ENOSF1: variants seen among roughly 807,000 people sequenced by gnomAD.
ENOSF1 encodes the protein enolase superfamily member 1.
A neutral mutation model predicts 68.2 loss-of-function variants in ENOSF1; 73 were observed. The observed-to-expected ratio is 1.07, with a 90% CI of 0.89 to 1.30. The LOEUF (loss-of-function observed/expected upper bound fraction) is 1.30. ENOSF1 is among the 50% of genes most tolerant of loss of function. The pLI is 0.00. For missense variants in ENOSF1, 589 were observed against 554.5 expected, an observed-to-expected ratio of 1.06 and a Z score of -0.62; for synonymous variants, 223 against 210.4, an observed-to-expected ratio of 1.06 and a Z score of -0.52.
At chr18:675,530 A>G in intron 14 of ENOSF1, 128 bp from the exon 15 acceptor site, 1 of 797,878 alleles carries the variant, frequency 1.3e-6, no homozygotes, top group African/African-American at 1.7e-5. Flanking sequence ...CTGTGTTACC[A>G]TGCGTTTCTA....
intron 15 of ENOSF1, 21 bp downstream of exon 15, chr18:675,300 G>T (rs202079998): frequency 1.3e-6 from 2 of 1,595,274 alleles, no homozygotes; most frequent in East Asian, 4.5e-5. Flanking sequence ...CTTCTACAGG[G>T]GCCCTCAGGC....
chr18:669,366 ATTTTTTTTTTT>A (rs68090938), downstream of ENOSF1: 44 of 192,196 alleles, frequency 2.3e-4, no homozygotes, highest in East Asian at 2.2e-3. Flanking sequence ...GGCCCAGAGG[ATTTTTTTTTTT>A]TTTTTTTTTT....
intron 2 of ENOSF1, among the ~76,000 whole-genome samples, chr18:704,610 TTC>T (rs1383098075): frequency 4.7e-5 from 7 of 147,514 alleles, no homozygotes; most frequent in African/African-American, 1.0e-4. Flanking sequence ...TGTATCTTTT[TTC>T]TTTTTTTTTT....
chr18:696,528 T>G (rs1158757860), intron 3 of ENOSF1, among the ~76,000 whole-genome samples: 4 of 152,036 alleles, frequency 2.6e-5, no homozygotes, highest in Non-Finnish European at 4.4e-5. Flanking sequence ...CTCTTACATC[T>G]CTAACACTAC....
At chr18:697,800 T>C (rs1045842400) in intron 2 of ENOSF1, among the ~76,000 whole-genome samples, 1 of 152,156 alleles carries the variant, frequency 6.6e-6, no homozygotes, top group Non-Finnish European at 1.5e-5. Flanking sequence ...TCTTTTCTTT[T>C]CTTTTCTTTT....
At chr18:686,992 A>G (rs2076668781) in intron 9 of ENOSF1, 1 of 152,188 alleles carries the variant, frequency 6.6e-6, no homozygotes, top group African/African-American at 2.4e-5. Context: ...ATCTCCCCAC[A>G]GCCTTCTCTG....
chr18:691,480 G>T, intron 5 of ENOSF1: 2 of 541,544 alleles, frequency 3.7e-6, no homozygotes, highest in South Asian at 2.4e-5. Flanking sequence ...TGAGTAGCTG[G>T]GACTCCAGGT....
chr18:691,296 G>A lies in ENOSF1; in HGVS notation c.424-20C>T. 2 of 1,596,922 alleles carry A rather than the reference G, an allele frequency of 1.3e-6. No individual in the cohort carries two copies. The highest frequency in any genetic ancestry group is 1.7e-6 in the Non-Finnish European group (2 of 1,166,806). On this transcript the variant is annotated intron_variant, in intron 5 of 15. Coordinates refer to ENST00000647584, the MANE Select transcript of ENOSF1 (RefSeq NM_017512.7). ...GGGATCCTGGCAACGTGACAGGAGG[G>A]GAAGAGGCCTGAATCAATTATAAGG...
chr18:690,879 G>T, intron 7 of ENOSF1, 189 bp downstream of exon 7: 1 of 1,292,514 alleles, frequency 7.7e-7, no homozygotes, highest in Non-Finnish European at 1.1e-6. Context: ...TTCAGCAGTG[G>T]CTGAAGCAAA....
intron 10 of ENOSF1, among the ~76,000 whole-genome samples, chr18:684,016 C>CA (rs2076373814): frequency 6.7e-6 from 1 of 149,284 alleles, no homozygotes; most frequent in Admixed American, 6.7e-5. Flanking sequence ...TTTTTTGAGA[C>CA]AGAGTCTCGC....
chr18:697,190 G>T lies in ENOSF1; in HGVS notation c.309+50C>A. 2 of 1,234,500 alleles carry T rather than the reference G, an allele frequency of 1.6e-6. No homozygotes were observed. The highest frequency in any genetic ancestry group is 2.4e-6 in the Non-Finnish European group (2 of 833,684). The allele number at this position is 1,234,500 out of a possible 1,614,324, so 76.5% of individuals were successfully genotyped here. On this transcript the variant is annotated intron_variant, in intron 3 of 15. Transcript: ENST00000647584. ...TTCGTTGCACTCAAAGGACATCTCA[G>T]ACCTTGGTAATATTACTTATGTAAG...
Position 691,196 on chromosome 18 carries a change from A to C in ENOSF1, c.496+8T>G. ...ACGTCGTGTATCCCAGAAAGCTTCCAAACTCACCTAGGGCATCCTCCTCAG... is the reference window on the plus strand; with the variant it reads ...ACGTCGTGTATCCCAGAAAGCTTCCCAACTCACCTAGGGCATCCTCCTCAG... On this transcript the variant is annotated splice_region_variant and intron_variant, in intron 6 of 15. Coordinates refer to ENST00000647584, the MANE Select transcript of ENOSF1 (RefSeq NM_017512.7). 3.1e-6 allele frequency: 5 copies of C among 1,614,114 alleles called. No homozygotes were observed. Among genetic ancestry groups the C allele is most frequent in the Non-Finnish European group, 4.2e-6 (5 of 1,179,974 alleles).
At chr18:684,279 G>C (rs915450233) in intron 10 of ENOSF1, among the ~76,000 whole-genome samples, 1 of 152,100 alleles carries the variant, frequency 6.6e-6, no homozygotes, top group Non-Finnish European at 1.5e-5. Context: ...ACAGCCATGA[G>C]CCACTGCATC....
chr18:689,915 G>T (rs975603409), intron 8 of ENOSF1, among the ~76,000 whole-genome samples: 1 of 152,158 alleles, frequency 6.6e-6, no homozygotes, highest in Admixed American at 6.5e-5. Flanking sequence ...GCTGAAGGCT[G>T]AATTGATGGC....
At chr18:712,224 C>CA in intron 1 of ENOSF1, 1 of 1,488,462 alleles carries the variant, frequency 6.7e-7, no homozygotes, top group East Asian at 2.5e-5. Flanking sequence ...TGCTCCAAGG[C>CA]ATGAAAAGCG....
intron 4 of ENOSF1, 48 bp downstream of exon 4, chr18:694,200 T>C (rs377263758): frequency 1.7e-5 from 27 of 1,557,466 alleles, no homozygotes; most frequent in Non-Finnish European, 2.4e-5. Flanking sequence ...GGAAAGTCAG[T>C]GTCGTACAGC....
intron 2 of ENOSF1, among the ~76,000 whole-genome samples, chr18:697,894 G>C (rs1018537448): frequency 5.9e-5 from 9 of 152,102 alleles, no homozygotes; most frequent in Admixed American, 5.9e-4. Context: ...CCCCGGCTCA[G>C]GTAATCCTCC....
At chr18:699,060 G>A (rs1214155369) in intron 2 of ENOSF1, among the ~76,000 whole-genome samples, 2 of 152,116 alleles carry the variant, frequency 1.3e-5, no homozygotes, top group African/African-American at 4.8e-5. Context: ...GTTGCATGGG[G>A]CAGTGGGTGG....
chr18:671,589 TGGTGGGCA>T lies in ENOSF1; in HGVS notation c.*2708_*2715del. On this transcript the variant is annotated 3_prime_UTR_variant, in exon 16 of 16. Transcript: ENST00000647584. ...TGTGGGGCTTCAGTTTAGGGAGAAG[TGGTGGGCA>T]GGTGGGCAGGACAAGGCAGGCATCT... The T allele has an allele frequency of 2.4e-5, 17 of 702,324 alleles. No individual in the cohort carries two copies. The highest frequency in any genetic ancestry group is 2.1e-4 in the South Asian group (13 of 63,048). 43.5% of individuals were successfully genotyped at this position (702,324 alleles called of 1,614,324 possible).
Sources: allele counts gnomAD v4.1 joint callset (sites outside exome capture counted in the v4.1 genomes callset), GRCh38; gene constraint gnomAD v4.1.1; transcripts MANE v1.5; gene names NCBI Gene and HGNC (gene_info 2026-07-23, HGNC 2026-07-21).